SLC16A1: variants seen among roughly 807,000 people sequenced by gnomAD.
The protein encoded by SLC16A1 is solute carrier family 16 member 1, also known as monocarboxylate transporter 1.
SLC16A1 carries 11 observed loss-of-function variants against 32.2 expected under a neutral mutation model. That is an observed-to-expected ratio of 0.34 (90% CI 0.21 to 0.56). The LOEUF is 0.56. Among genes scored for constraint, SLC16A1 ranks in the 20% least tolerant of loss-of-function variants. The pLI is 0.87. For synonymous variants in SLC16A1, 231 were observed against 226.8 expected (o/e 1.02, Z -0.17); for missense variants, 435 against 615.0 (o/e 0.71, Z 3.10).
chr1:112,933,184 AG>A (rs1356752994), intron 1 of SLC16A1, among the ~76,000 whole-genome samples: 6 of 152,138 alleles, frequency 3.9e-5, no homozygotes, highest in Admixed American at 2.6e-4. Context: ...CTATAAAAAA[AG>A]TTGGCCGGGC....
chr1:112,939,915 A>G (rs889871755), intron 1 of SLC16A1, among the ~76,000 whole-genome samples: 1 of 152,158 alleles, frequency 6.6e-6, no homozygotes, highest in African/African-American at 2.4e-5. Flanking sequence ...TGGCACAAAA[A>G]GACAACAAAT....
chr1:112,956,059 CGAGCGT>C lies in SLC16A1; in HGVS notation c.-75_-70del, dbSNP rs1326843657. ...CCGTTATATGCGCGGATCGCAGCGC[CGAGCGT>C]GTGCGTGACGTGGTGGCGCAGGCTG... On this transcript the variant is annotated 5_prime_UTR_variant, in exon 1 of 5. Transcript: ENST00000369626. 1 of 152,270 alleles carries C rather than the reference CGAGCGT, an allele frequency of 6.6e-6. No homozygotes were observed. Among genetic ancestry groups the C allele is most frequent in the Non-Finnish European group, 1.5e-5 (1 of 68,128 alleles). 9.4% of individuals were successfully genotyped at this position (152,270 alleles called of 1,614,324 possible).
At chr1:112,933,387 C>T (rs914758496) in intron 1 of SLC16A1, among the ~76,000 whole-genome samples, 8 of 145,370 alleles carry the variant, frequency 5.5e-5, no homozygotes, top group African/African-American at 2.0e-4. Context: ...ACCCGGGAGG[C>T]GGAGGTTGCA....
chr1:112,920,193 C>T (rs1027772797), intron 3 of SLC16A1, among the ~76,000 whole-genome samples: 6 of 152,216 alleles, frequency 3.9e-5, no homozygotes, highest in Non-Finnish European at 5.9e-5. Flanking sequence ...TTAAATGTAG[C>T]TGGGCGTGGT....
At chr1:112,951,467 C>T (rs1040529347) in intron 1 of SLC16A1, among the ~76,000 whole-genome samples, 6 of 151,946 alleles carry the variant, frequency 3.9e-5, no homozygotes, top group African/African-American at 1.2e-4. Context: ...TTCAAAATGC[C>T]CAAGAAGCAA....
chr1:112,949,536 C>T (rs921926664), intron 1 of SLC16A1, among the ~76,000 whole-genome samples: 1 of 152,104 alleles, frequency 6.6e-6, no homozygotes, highest in African/African-American at 2.4e-5. Flanking sequence ...ATCTGTGTGC[C>T]GTGTTGCTTC....
chr1:112,916,258 G>A (rs1648500054), intron 4 of SLC16A1, among the ~76,000 whole-genome samples: 1 of 149,836 alleles, frequency 6.7e-6, no homozygotes, highest in Non-Finnish European at 1.5e-5. Context: ...CCAGCACTTT[G>A]GGAGGCCAAG....
At chr1:112,921,242 T>C (rs1648723669) in intron 3 of SLC16A1, among the ~76,000 whole-genome samples, 1 of 152,188 alleles carries the variant, frequency 6.6e-6, no homozygotes, top group African/African-American at 2.4e-5. Context: ...CAATATCCCA[T>C]TGTTGACAAA....
intron 4 of SLC16A1, 190 bp downstream of exon 4, chr1:112,916,988 G>T: frequency 4.0e-6 from 3 of 753,942 alleles, no homozygotes; most frequent in Non-Finnish European, 6.7e-6. Context: ...TTGCCTTGAT[G>T]GTTCCATTTA....
At chr1:112,924,217 C>G (rs561504729) in intron 2 of SLC16A1, 2 of 1,517,976 alleles carry the variant, frequency 1.3e-6, no homozygotes, top group African/African-American at 1.4e-5. Context: ...CTGGGCATGT[C>G]CAGCTTGGAG....
At chr1:112,924,030 T>C in intron 2 of SLC16A1, 1 of 1,305,746 alleles carries the variant, frequency 7.7e-7, no homozygotes, top group Non-Finnish European at 1.1e-6. Flanking sequence ...TGGGACTCAA[T>C]GGGCAGAGAT....
At chr1:112,952,069 C>T (rs1023911009) in intron 1 of SLC16A1, among the ~76,000 whole-genome samples, 5 of 152,134 alleles carry the variant, frequency 3.3e-5, no homozygotes, top group African/African-American at 1.2e-4. Flanking sequence ...TCCTCTCCCC[C>T]AACACTCCCA....
chr1:112,914,421 G>A (rs1648431917), intron 4 of SLC16A1, among the ~76,000 whole-genome samples: 1 of 152,194 alleles, frequency 6.6e-6, no homozygotes, highest in South Asian at 2.1e-4. Context: ...AACTGGAAAT[G>A]GAAGAGACGT....
chr1:112,950,827 T>C (rs891561708), intron 1 of SLC16A1, among the ~76,000 whole-genome samples: 2 of 152,098 alleles, frequency 1.3e-5, no homozygotes, highest in Non-Finnish European at 2.9e-5. Flanking sequence ...TGAGACCCTA[T>C]CACTAAAAAA....
chr1:112,942,164 G>A (rs1341039340), intron 1 of SLC16A1, among the ~76,000 whole-genome samples: 2 of 152,054 alleles, frequency 1.3e-5, no homozygotes, highest in East Asian at 3.8e-4. Context: ...TACAGACAGG[G>A]TTTTACCATG....
intron 2 of SLC16A1, among the ~76,000 whole-genome samples, chr1:112,926,062 T>G (rs770019646): frequency 4.6e-5 from 7 of 152,342 alleles, no homozygotes; most frequent in Non-Finnish European, 1.0e-4. Context: ...AACTAATATA[T>G]GTGAGGTGTT....
intron 1 of SLC16A1, chr1:112,955,764 C>T (rs1650068729): frequency 6.6e-6 from 1 of 152,408 alleles, no homozygotes; most frequent in Non-Finnish European, 1.5e-5. Context: ...GCACCACGAC[C>T]CAACTCCTCG....
intron 1 of SLC16A1, among the ~76,000 whole-genome samples, chr1:112,953,880 T>G (rs1312466011): frequency 6.6e-6 from 1 of 152,238 alleles, no homozygotes; most frequent in Non-Finnish European, 1.5e-5. Context: ...CAATACAGTA[T>G]TTGTTCCTAC....
intron 1 of SLC16A1, among the ~76,000 whole-genome samples, chr1:112,933,839 T>C (rs1649217562): frequency 6.6e-6 from 1 of 152,170 alleles, no homozygotes; most frequent in Admixed American, 6.5e-5. Context: ...GTTATAGATA[T>C]ATTTAACATA....
Sources: allele counts gnomAD v4.1 joint callset (sites outside exome capture counted in the v4.1 genomes callset), GRCh38; gene constraint gnomAD v4.1.1; transcripts MANE v1.5; gene names NCBI Gene and HGNC (gene_info 2026-07-23, HGNC 2026-07-21).